SESTD1: variants seen among roughly 807,000 people sequenced by gnomAD.
The protein encoded by SESTD1 is SEC14 and spectrin domain containing 1, also known as SEC14 domain and spectrin repeat-containing protein 1.
Under a neutral mutation model 101.7 loss-of-function variants are expected in SESTD1, and 43 were observed. That is an observed-to-expected ratio of 0.42 (90% CI 0.33 to 0.55). SESTD1 has a LOEUF of 0.55. Ranked by LOEUF, SESTD1 falls within the 20% of genes least tolerant of loss-of-function variation. The pLI is 0.07. For missense variants in SESTD1, 647 were observed against 815.1 expected (o/e 0.79, Z 2.51); for synonymous variants, 283 against 286.8 (o/e 0.99, Z 0.13).
chr2:179,134,033 T>C (rs1443891202), intron 9 of SESTD1, among the ~76,000 whole-genome samples: 1 of 152,226 alleles, frequency 6.6e-6, no homozygotes, highest in East Asian at 1.9e-4. Context: ...AGAGATGATT[T>C]AATGTATATG....
chr2:179,217,087 A>T (rs1574042736), intron 1 of SESTD1, among the ~76,000 whole-genome samples: 1 of 152,214 alleles, frequency 6.6e-6, no homozygotes, highest in Middle Eastern at 3.4e-3. Flanking sequence ...GGACTTCATG[A>T]CTAAAACACC....
intron 14 of SESTD1, among the ~76,000 whole-genome samples, 153 bp downstream of exon 14, chr2:179,117,379 C>A (rs2044656003): frequency 7.2e-6 from 1 of 138,694 alleles, no homozygotes; most frequent in Non-Finnish European, 1.5e-5. Context: ...GCTGGGAATA[C>A]CAAAGTGTAT....
chr2:179,105,956 GAA>G lies in SESTD1; in HGVS notation c.*3941_*3942del, dbSNP rs1426309343. The G allele has an allele frequency of 1.3e-5, 2 of 152,176 alleles. No individual in the cohort carries two copies. The highest frequency in any genetic ancestry group is 4.8e-5 in the African/African-American group (2 of 41,452). The allele number at this position is 152,176 out of a possible 1,614,324, so 9.4% of individuals were successfully genotyped here. On this transcript the variant is annotated 3_prime_UTR_variant, in exon 18 of 18. Transcript: ENST00000428443. The stretch of plus-strand genomic sequence containing the variant: ...ACCTAGACTTTTCAGTAGCATGTAT[GAA>G]AGTCAAATAATGTCAAATGGTAAGT...
At chr2:179,250,705 A>G (rs59858678) in intron 1 of SESTD1, among the ~76,000 whole-genome samples, 67,954 of 151,642 alleles carry the variant, frequency 0.45, 18,030 homozygotes, top group African/African-American at 0.75. Flanking sequence ...ATCACTTTTT[A>G]AAAGACCTGT....
At chr2:179,174,215 A>T (rs2045971738) in intron 4 of SESTD1, among the ~76,000 whole-genome samples, 1 of 152,230 alleles carries the variant, frequency 6.6e-6, no homozygotes, top group African/African-American at 2.4e-5. Context: ...GTGGGGTCCC[A>T]AACAGCTGGT....
At chr2:179,232,913 A>T (rs1438932809) in intron 1 of SESTD1, among the ~76,000 whole-genome samples, 2 of 152,192 alleles carry the variant, frequency 1.3e-5, no homozygotes, top group Non-Finnish European at 2.9e-5. Context: ...GATGGAGAAG[A>T]TGAGTGGAGA....
chr2:179,193,146 A>G (rs990762527), intron 1 of SESTD1, among the ~76,000 whole-genome samples: 10 of 152,176 alleles, frequency 6.6e-5, no homozygotes, highest in Non-Finnish European at 1.5e-4. Context: ...AAAAAAATAG[A>G]TGTTGAGGAA....
chr2:179,233,111 T>A lies in SESTD1; in HGVS notation c.-26+31388A>T, dbSNP rs535196627. On this transcript the variant is annotated intron_variant, in intron 1 of 17. Transcript: ENST00000428443. ...CAAATGTCTCTATTGGTATTTCAAATGACTCAGGGAAAATTTAGGAAGAAA... is the reference window on the plus strand; with the variant it reads ...CAAATGTCTCTATTGGTATTTCAAAAGACTCAGGGAAAATTTAGGAAGAAA... Among the ~76,000 whole-genome samples the A allele has an allele frequency of 4.2e-4, 64 of 152,322 alleles. 4 individuals carry two copies. The highest frequency in any genetic ancestry group is 1.5e-3 in the African/African-American group (62 of 41,584).
intron 1 of SESTD1, among the ~76,000 whole-genome samples, chr2:179,235,066 C>A (rs1216495690): frequency 1.3e-5 from 2 of 151,936 alleles, no homozygotes; most frequent in African/African-American, 2.4e-5. Flanking sequence ...TGAACTGGAA[C>A]CTAAACCAGG....
chr2:179,140,549 T>C (rs1405099308), intron 9 of SESTD1, among the ~76,000 whole-genome samples: 1 of 152,216 alleles, frequency 6.6e-6, no homozygotes, highest in Non-Finnish European at 1.5e-5. Context: ...TAAATTTCTG[T>C]TGTTAAATCA....
intron 5 of SESTD1, among the ~76,000 whole-genome samples, chr2:179,162,887 A>G (rs1559122365): frequency 1.3e-5 from 2 of 151,036 alleles, no homozygotes; most frequent in Non-Finnish European, 2.9e-5. Flanking sequence ...GCTACTCAGG[A>G]GGCTGAGGCA....
At chr2:179,119,355 G>T (rs2044699662) in intron 13 of SESTD1, among the ~76,000 whole-genome samples, 1 of 152,194 alleles carries the variant, frequency 6.6e-6, no homozygotes, top group East Asian at 1.9e-4. Context: ...GTAGCTGATG[G>T]TAACTTTAAC....
chr2:179,197,427 G>C (rs1214932477), intron 1 of SESTD1, among the ~76,000 whole-genome samples: 1 of 152,148 alleles, frequency 6.6e-6, no homozygotes, highest in Non-Finnish European at 1.5e-5. Context: ...TAGCAAGGCA[G>C]GCCAACATTC....
At chr2:179,181,327 A>T (rs937998888) in intron 3 of SESTD1, among the ~76,000 whole-genome samples, 1 of 152,108 alleles carries the variant, frequency 6.6e-6, no homozygotes, top group African/African-American at 2.4e-5. Context: ...ATACACAAAC[A>T]TGCATTTTCT....
chr2:179,167,098 T>C (rs1052323319), intron 5 of SESTD1, among the ~76,000 whole-genome samples: 14 of 152,104 alleles, frequency 9.2e-5, no homozygotes, highest in African/African-American at 3.4e-4. Flanking sequence ...GATGCAGATA[T>C]AGGGACTATC....
chr2:179,228,027 A>G (rs2046915726), intron 1 of SESTD1, among the ~76,000 whole-genome samples: 1 of 152,128 alleles, frequency 6.6e-6, no homozygotes. Flanking sequence ...AAAGAACTAG[A>G]AGTGAGACAA....
At chr2:179,132,038 T>C (rs1318019254) in intron 10 of SESTD1, 1 of 253,922 alleles carries the variant, frequency 3.9e-6, no homozygotes, top group Non-Finnish European at 7.4e-6. Flanking sequence ...CACTCTTTTT[T>C]CTGTCACTGT....
chr2:179,128,707 G>GA (rs2044936884), intron 10 of SESTD1, among the ~76,000 whole-genome samples: 1 of 142,978 alleles, frequency 7.0e-6, no homozygotes, highest in East Asian at 2.0e-4. Flanking sequence ...CCAGGCTGGC[G>GA]AGAGAGCTAG....
rs2044307822 is a variant in SESTD1 at position 179,103,124 on chromosome 2, C to A, written c.*6775G>T. On this transcript the variant is annotated 3_prime_UTR_variant, in exon 18 of 18. Transcript: ENST00000428443. ...CTGTTTCTTCTAGCTAACATATCAC[C>A]ATGGTTGGGCTTTAACCTTTCAAGG... is the stretch of plus-strand genomic sequence containing the variant. The A allele has an allele frequency of 6.6e-6, 1 of 152,080 alleles. No homozygotes were observed. Among genetic ancestry groups the A allele is most frequent in the Admixed American group, 6.6e-5 (1 of 15,254 alleles). The allele number at this position is 152,080 out of a possible 1,614,324, so 9.4% of individuals were successfully genotyped here.
Sources: allele counts gnomAD v4.1 joint callset (sites outside exome capture counted in the v4.1 genomes callset), GRCh38; gene constraint gnomAD v4.1.1; transcripts MANE v1.5; gene names NCBI Gene and HGNC (gene_info 2026-07-23, HGNC 2026-07-21).